The following SYNDIG1 variants were observed in gnomAD, a reference collection of about 807,000 sequenced individuals.
SYNDIG1 encodes the protein synapse differentiation-inducing gene protein 1.
In SYNDIG1, 9 loss-of-function variants were observed where a neutral mutation model predicts 19.4. That is an observed-to-expected ratio of 0.46 (90% CI 0.28 to 0.81). SYNDIG1 has a LOEUF of 0.81. Ranked by LOEUF, SYNDIG1 falls within the 30% of genes least tolerant of loss-of-function variation. The probability of loss-of-function intolerance (pLI) is 0.12; values close to 1 mark genes in which losing one functional copy is unlikely to be tolerated. For synonymous variants in SYNDIG1, 141 were observed against 145.9 expected (o/e 0.97, Z 0.24); for missense variants, 311 against 343.3 (o/e 0.91, Z 0.74).
chr20:24,613,751 G>C (rs1315975722), intron 3 of SYNDIG1, among the ~76,000 whole-genome samples: 1 of 152,178 alleles, frequency 6.6e-6, no homozygotes, highest in Admixed American at 6.5e-5. Context: ...GGGGACTTCA[G>C]GGAACATTCC....
intron 1 of SYNDIG1, among the ~76,000 whole-genome samples, chr20:24,496,835 T>G (rs1490973942): frequency 6.6e-6 from 1 of 152,242 alleles, no homozygotes; most frequent in African/African-American, 2.4e-5. Context: ...TTTTGTACTT[T>G]AAATATTTAA....
chr20:24,647,794 A>T (rs149882577), intron 3 of SYNDIG1, among the ~76,000 whole-genome samples: 2 of 150,422 alleles, frequency 1.3e-5, no homozygotes, highest in East Asian at 3.9e-4. Context: ...AGTATTGTGA[A>T]AAGTTGGGGA....
chr20:24,649,683 T>TC (rs2147363460), intron 3 of SYNDIG1, among the ~76,000 whole-genome samples: 1 of 152,196 alleles, frequency 6.6e-6, no homozygotes, highest in Non-Finnish European at 1.5e-5. Flanking sequence ...ACGTCCTGTC[T>TC]CCCCTCAAAG....
chr20:24,612,895 G>A (rs2147185691), intron 3 of SYNDIG1, among the ~76,000 whole-genome samples: 1 of 152,336 alleles, frequency 6.6e-6, no homozygotes, highest in Admixed American at 6.5e-5. Context: ...TCAACCACAG[G>A]CCATCACATG....
chr20:24,626,858 A>G (rs371706880), intron 3 of SYNDIG1, among the ~76,000 whole-genome samples: 8 of 149,052 alleles, frequency 5.4e-5, no homozygotes, highest in African/African-American at 1.8e-4. Context: ...CGGATCACTC[A>G]CGGTTAGGAG....
intron 1 of SYNDIG1, among the ~76,000 whole-genome samples, chr20:24,480,775 A>C (rs1209663311): frequency 6.6e-6 from 1 of 152,252 alleles, no homozygotes; most frequent in Admixed American, 6.5e-5. Context: ...AAACACATAC[A>C]GTGAAATATA....
intron 2 of SYNDIG1, among the ~76,000 whole-genome samples, chr20:24,564,490 A>G (rs1175080037): frequency 2.0e-5 from 3 of 152,218 alleles, no homozygotes; most frequent in African/African-American, 7.2e-5. Context: ...AAACTGTAAT[A>G]TGTTACAGGC....
intron 3 of SYNDIG1, among the ~76,000 whole-genome samples, chr20:24,653,800 T>G (rs1216094721): frequency 6.6e-6 from 1 of 152,198 alleles, no homozygotes; most frequent in South Asian, 2.1e-4. Context: ...CTGAGGCCAC[T>G]CTCCTTCATG....
At chr20:24,521,722 A>T (rs544507296) in intron 1 of SYNDIG1, among the ~76,000 whole-genome samples, 1 of 151,866 alleles carries the variant, frequency 6.6e-6, no homozygotes, top group Admixed American at 6.6e-5. Context: ...ACAGGACAAA[A>T]CCCCGTCTCT....
chr20:24,627,144 G>GGAGAGGGAGAGC (rs1352030043), intron 3 of SYNDIG1, among the ~76,000 whole-genome samples: 2 of 103,350 alleles, frequency 1.9e-5, no homozygotes, highest in East Asian at 2.0e-4. Flanking sequence ...AGAGGGAGAG[G>GGAGAGGGAGAGC]GAGAGGGAGA....
chr20:24,494,276 G>A (rs556910353), intron 1 of SYNDIG1, among the ~76,000 whole-genome samples: 39 of 152,340 alleles, frequency 2.6e-4, no homozygotes, highest in African/African-American at 9.4e-4. Context: ...TGAGCGCACA[G>A]TGTCAGGGAA....
chr20:24,568,785 G>A (rs1187670116), intron 2 of SYNDIG1, among the ~76,000 whole-genome samples: 1 of 152,208 alleles, frequency 6.6e-6, no homozygotes, highest in African/African-American at 2.4e-5. Context: ...GCCGAAGAAA[G>A]GCAGGAGGCA....
intron 3 of SYNDIG1, among the ~76,000 whole-genome samples, chr20:24,587,940 C>G (rs1040742068): frequency 1.3e-5 from 2 of 152,156 alleles, no homozygotes; most frequent in East Asian, 3.9e-4. Flanking sequence ...TCAGTGAAGT[C>G]AAAGGAACAT....
intron 1 of SYNDIG1, among the ~76,000 whole-genome samples, chr20:24,523,334 G>C (rs896207617): frequency 6.6e-6 from 1 of 152,180 alleles, no homozygotes; most frequent in African/African-American, 2.4e-5. Flanking sequence ...CGATGCTTGG[G>C]ATTTAGGAGA....
chr20:24,599,763 C>T (rs1452430365), intron 3 of SYNDIG1, among the ~76,000 whole-genome samples: 1 of 152,152 alleles, frequency 6.6e-6, no homozygotes, highest in Non-Finnish European at 1.5e-5. Context: ...CACTTATACA[C>T]ATGAGAGCTA....
chr20:24,598,771 G>C (rs892332982), intron 3 of SYNDIG1, among the ~76,000 whole-genome samples: 1 of 152,050 alleles, frequency 6.6e-6, no homozygotes, highest in African/African-American at 2.4e-5. Context: ...TATCCCAAAG[G>C]GTCAGTTTTG....
intron 3 of SYNDIG1, among the ~76,000 whole-genome samples, chr20:24,642,312 C>T (rs1221372849): frequency 2.0e-5 from 3 of 152,136 alleles, no homozygotes; most frequent in Admixed American, 6.5e-5. Flanking sequence ...GGGGCACCTG[C>T]TATCAGTGTG....
intron 3 of SYNDIG1, among the ~76,000 whole-genome samples, chr20:24,627,338 A>G (rs35435987): frequency 0.17 from 25,295 of 152,148 alleles, 2,624 homozygotes; most frequent in East Asian, 0.45. Context: ...CTCTACTTCA[A>G]TGAAAACAGT....
intron 1 of SYNDIG1, among the ~76,000 whole-genome samples, chr20:24,529,984 T>TGGTGATGGTGATGGTAGTATTCCC (rs2057216003): frequency 6.6e-6 from 1 of 151,802 alleles, no homozygotes; most frequent in African/African-American, 2.4e-5. Context: ...GTGATGGTGG[T>TGGTGATGGTGATGGTAGTATTCCC]GGTGATGGTG....
Sources: allele counts gnomAD v4.1 joint callset (sites outside exome capture counted in the v4.1 genomes callset), GRCh38; gene constraint gnomAD v4.1.1; transcripts MANE v1.5; gene names NCBI Gene and HGNC (gene_info 2026-07-23, HGNC 2026-07-21).